SIPA1L1: variants seen among roughly 807,000 people sequenced by gnomAD.
SIPA1L1 encodes signal-induced proliferation-associated 1-like protein 1.
A neutral mutation model predicts 162.7 loss-of-function variants in SIPA1L1; 26 were observed. That is an observed-to-expected ratio of 0.16 (90% CI 0.12 to 0.22). The LOEUF is 0.22. Ranked by LOEUF, SIPA1L1 falls within the 10% of genes least tolerant of loss-of-function variation. The pLI, the probability that SIPA1L1 is intolerant of heterozygous loss-of-function variation, is 1.00. For missense variants in SIPA1L1, 1,874 were observed against 2,241.0 expected (o/e 0.84, Z 3.31); for synonymous variants, 829 against 837.4 (o/e 0.99, Z 0.17).
intron 2 of SIPA1L1, among the ~76,000 whole-genome samples, chr14:71,373,803 T>G (rs923395949): frequency 6.6e-6 from 1 of 152,098 alleles, no homozygotes; most frequent in Non-Finnish European, 1.5e-5. Context: ...CAGTGGCTCA[T>G]GCCTGTAATT....
chr14:71,459,328 G>C (rs986848418), intron 2 of SIPA1L1, among the ~76,000 whole-genome samples: 1 of 152,042 alleles, frequency 6.6e-6, no homozygotes, highest in African/African-American at 2.4e-5. Flanking sequence ...GTAACACGAC[G>C]GTATAGTGGT....
At chr14:71,731,659 G>A (rs570946605) in intron 20 of SIPA1L1, among the ~76,000 whole-genome samples, 1 of 152,200 alleles carries the variant, frequency 6.6e-6, no homozygotes, top group Non-Finnish European at 1.5e-5. Context: ...TATCAGAGTA[G>A]GCCCTGAGTA....
At chr14:71,558,536 C>T (rs2056533673) in intron 4 of SIPA1L1, among the ~76,000 whole-genome samples, 1 of 152,132 alleles carries the variant, frequency 6.6e-6, no homozygotes, top group Admixed American at 6.6e-5. Flanking sequence ...TTGGCTGTAA[C>T]CAGAACTGTA....
intron 4 of SIPA1L1, among the ~76,000 whole-genome samples, chr14:71,575,839 C>G (rs1224878661): frequency 6.6e-6 from 1 of 152,162 alleles, no homozygotes; most frequent in Non-Finnish European, 1.5e-5. Flanking sequence ...GTCAAACCCA[C>G]TATTTTTTAT....
chr14:71,346,574 A>G (rs954865002), intron 2 of SIPA1L1, among the ~76,000 whole-genome samples: 7 of 152,202 alleles, frequency 4.6e-5, no homozygotes, highest in African/African-American at 1.4e-4. Context: ...GCGCCAAGAA[A>G]CAAAAATTGT....
intron 13 of SIPA1L1, among the ~76,000 whole-genome samples, chr14:71,693,149 A>G (rs1472609289): frequency 6.6e-6 from 1 of 152,132 alleles, no homozygotes; most frequent in Non-Finnish European, 1.5e-5. Flanking sequence ...GAGCATCCCA[A>G]ATTTGAAATC....
At chr14:71,459,290 G>A (rs1034735372) in intron 2 of SIPA1L1, among the ~76,000 whole-genome samples, 1 of 152,094 alleles carries the variant, frequency 6.6e-6, no homozygotes, top group African/African-American at 2.4e-5. Context: ...CTTCTTTTAA[G>A]TCCTTACAAT....
chr14:71,697,059 A>G (rs2081687647), intron 13 of SIPA1L1, among the ~76,000 whole-genome samples: 1 of 152,192 alleles, frequency 6.6e-6, no homozygotes, highest in Non-Finnish European at 1.5e-5. Flanking sequence ...TCAAGGCCTT[A>G]AAGAGGGTCT....
chr14:71,335,864 C>A (rs1043678699), intron 2 of SIPA1L1, among the ~76,000 whole-genome samples: 1 of 152,172 alleles, frequency 6.6e-6, no homozygotes, highest in African/African-American at 2.4e-5. Flanking sequence ...ACCATAGGTA[C>A]CCAGTATATT....
chr14:71,716,395 C>T (rs1227792574), intron 17 of SIPA1L1, among the ~76,000 whole-genome samples: 1 of 152,210 alleles, frequency 6.6e-6, no homozygotes, highest in Non-Finnish European at 1.5e-5. Context: ...AGCCATTTGA[C>T]AGGTGACTAA....
chr14:71,440,482 G>A (rs998923639), intron 2 of SIPA1L1, among the ~76,000 whole-genome samples: 7 of 151,316 alleles, frequency 4.6e-5, no homozygotes, highest in African/African-American at 1.5e-4. Context: ...GTGTTACCCC[G>A]TCTACAAAAA....
chr14:71,575,063 TATAAA>T (rs2032787703), intron 4 of SIPA1L1: 2 of 152,204 alleles, frequency 1.3e-5, no homozygotes, highest in South Asian at 4.1e-4. Context: ...GGAACCATGA[TATAAA>T]TAAAGGATTC....
At chr14:71,710,052 C>A (rs140627118) in intron 17 of SIPA1L1, among the ~76,000 whole-genome samples, 207 of 152,318 alleles carry the variant, frequency 1.4e-3, no homozygotes, top group Non-Finnish European at 2.4e-3. Flanking sequence ...TGTTAAAAGA[C>A]AGAGGTCTTT....
chr14:71,343,524 C>G lies in SIPA1L1; in HGVS notation c.-465+22343C>G, dbSNP rs534685088. 1.4e-4 allele frequency among the ~76,000 whole-genome samples: 22 copies of G among 152,142 alleles called. No homozygotes were observed. The South Asian group carries it at 4.6e-3, about 32-fold the overall frequency. ...ATTATGGAAGCAGTATATAAGACTT[C>G]GTGGAAAATTTGGAAAATACAGGAA... On this transcript the variant is annotated intron_variant, in intron 2 of 23. Transcript: ENST00000381232.
At chr14:71,565,443 C>A (rs980519692) in intron 4 of SIPA1L1, among the ~76,000 whole-genome samples, 2 of 152,182 alleles carry the variant, frequency 1.3e-5, no homozygotes, top group Non-Finnish European at 2.9e-5. Context: ...GAAGGTTCCA[C>A]CTTCCATGAA....
intron 2 of SIPA1L1, among the ~76,000 whole-genome samples, chr14:71,397,581 C>G (rs1555412947): frequency 6.6e-6 from 1 of 152,054 alleles, no homozygotes; most frequent in Non-Finnish European, 1.5e-5. Flanking sequence ...TTCTAATAAA[C>G]CTTTTGGTAG....
chr14:71,559,467 T>C (rs900202260), intron 4 of SIPA1L1, among the ~76,000 whole-genome samples: 2 of 152,206 alleles, frequency 1.3e-5, no homozygotes, highest in Non-Finnish European at 2.9e-5. Context: ...CCAGTGGCAT[T>C]GGACTCTCCC....
At chr14:71,605,943 T>C (rs961639464) in intron 5 of SIPA1L1, among the ~76,000 whole-genome samples, 8 of 152,108 alleles carry the variant, frequency 5.3e-5, no homozygotes, top group African/African-American at 1.9e-4. Context: ...ATAGGGGTGA[T>C]AGCAGTAACA....
rs1441489256 is a variant in SIPA1L1, at chr14:71,671,490, G to A, written c.2627G>A (p.Cys876Tyr). The A allele has an allele frequency of 1.9e-6, 3 of 1,614,144 alleles. No individual in the cohort carries two copies. The highest frequency in any genetic ancestry group is 2.5e-6 in the Non-Finnish European group (3 of 1,180,002). ...EDYNKAMELDCLLGISNEFIV... is the reference protein window; with the variant it reads ...EDYNKAMELDYLLGISNEFIV... The stretch of plus-strand genomic sequence containing the variant: ...TACAACAAGGCCATGGAACTAGACT[G>A]CCTTTTAGGGATCTCCAATGAGTTC... Residue 876 changes from cysteine to tyrosine, a missense_variant, in exon 11 of 24, where the codon TGC becomes TAC. Transcript: ENST00000381232.
Sources: gnomAD v4.1 joint callset for allele counts (sites outside exome capture counted in the v4.1 genomes callset) on GRCh38, gnomAD v4.1.1 for gene constraint, MANE v1.5 for transcripts, NCBI Gene and HGNC (gene_info 2026-07-23, HGNC 2026-07-21) for gene names.